The following NBPF3 variants were observed in gnomAD, a reference collection of about 807,000 sequenced individuals.
The protein encoded by NBPF3 is NBPF member 3.
A neutral mutation model predicts 78.1 loss-of-function variants in NBPF3; 57 were observed. That is an observed-to-expected ratio of 0.73 (90% confidence interval 0.59 to 0.91). The LOEUF (loss-of-function observed/expected upper bound fraction) is 0.91. NBPF3 is among the 40% of genes least tolerant of loss of function. NBPF3 has a pLI of 0.00. For missense variants in NBPF3, 510 were observed against 715.3 expected (o/e 0.71, Z 3.27); for synonymous variants, 182 against 271.7 (o/e 0.67, Z 3.25).
intron 1 of NBPF3, among the ~76,000 whole-genome samples, chr1:21,442,986 T>A (rs1382841066): frequency 1.3e-5 from 2 of 152,180 alleles, no homozygotes; most frequent in African/African-American, 4.8e-5. Context: ...ACTACATGGA[T>A]GTGTCTGCTT....
chr1:21,437,419 C>G (rs1640446414), upstream of NBPF3: 1 of 1,200,900 alleles, frequency 8.3e-7, no homozygotes. Flanking sequence ...CAAACGTAGG[C>G]CTAGAGGAAC....
chr1:21,466,488 C>T, intron 2 of NBPF3, among the ~76,000 whole-genome samples: 1 of 152,294 alleles, frequency 6.6e-6, no homozygotes, highest in Non-Finnish European at 1.5e-5. Context: ...ATTGGTATTC[C>T]ATAGAAGAGT....
intron 2 of NBPF3, among the ~76,000 whole-genome samples, chr1:21,457,458 GAAAC>G (rs1486133553): frequency 6.6e-6 from 1 of 151,530 alleles, no homozygotes; most frequent in Non-Finnish European, 1.5e-5. Flanking sequence ...ACAACACAAT[GAAAC>G]AATTTCTCAA....
chr1:21,449,621 C>G (rs1233942473), intron 2 of NBPF3, among the ~76,000 whole-genome samples: 3 of 152,084 alleles, frequency 2.0e-5, no homozygotes, highest in Non-Finnish European at 4.4e-5. Context: ...CAGGCACCTG[C>G]CACCACGCCT....
At chr1:21,458,234 T>C (rs552537634) in intron 2 of NBPF3, among the ~76,000 whole-genome samples, 97 of 152,230 alleles carry the variant, frequency 6.4e-4, no homozygotes, top group African/African-American at 2.2e-3. Flanking sequence ...CCAATAAAAC[T>C]TGTTTAATAC....
intron 2 of NBPF3, among the ~76,000 whole-genome samples, chr1:21,452,561 G>A (rs1268228830): frequency 6.6e-6 from 1 of 152,192 alleles, no homozygotes; most frequent in Non-Finnish European, 1.5e-5. Context: ...AGATTATTGC[G>A]GTGAAGAATT....
upstream of NBPF3, among the ~76,000 whole-genome samples, chr1:21,438,214 G>C (rs1640463648): frequency 1.3e-5 from 2 of 151,906 alleles, no homozygotes; most frequent in Non-Finnish European, 2.9e-5. Flanking sequence ...CTGGGTTCAA[G>C]CAATTCTCCT....
At chr1:21,443,379 A>G (rs1437275338) in intron 1 of NBPF3, among the ~76,000 whole-genome samples, 1 of 152,160 alleles carries the variant, frequency 6.6e-6, no homozygotes, top group African/African-American at 2.4e-5. Flanking sequence ...ATTAGATGTT[A>G]TTTGAGCCTC....
At chr1:21,442,600 A>G (rs573880131) in intron 1 of NBPF3, among the ~76,000 whole-genome samples, 1 of 152,238 alleles carries the variant, frequency 6.6e-6, no homozygotes, top group East Asian at 1.9e-4. Flanking sequence ...TAAGAAATCA[A>G]TGCCTAACCT....
intron 3 of NBPF3, 112 bp from the exon 4 acceptor site, chr1:21,470,519 TG>T: frequency 1.4e-6 from 1 of 736,448 alleles, no homozygotes; most frequent in Non-Finnish European, 2.3e-6. Context: ...ACGTAGAGCC[TG>T]GCAGTGGGGA....
chr1:21,469,857 G>A (rs1181818625), intron 3 of NBPF3, among the ~76,000 whole-genome samples: 1 of 152,168 alleles, frequency 6.6e-6, no homozygotes, highest in Non-Finnish European at 1.5e-5. Context: ...CAGGGACTCT[G>A]GGCCTGTCTC....
At chr1:21,458,179 TC>T (rs1641738854) in intron 2 of NBPF3, among the ~76,000 whole-genome samples, 2 of 152,126 alleles carry the variant, frequency 1.3e-5, no homozygotes, top group South Asian at 4.1e-4. Context: ...CCTTCAGACC[TC>T]CAATAAACTT....
At chr1:21,459,748 G>A in intron 2 of NBPF3, 1 of 345,836 alleles carries the variant, frequency 2.9e-6, no homozygotes, top group South Asian at 2.9e-5. Flanking sequence ...TTGCTCATCA[G>A]CAGGCCCAGT....
At chr1:21,474,331 G>A (rs1642775983) in intron 7 of NBPF3, among the ~76,000 whole-genome samples, 1 of 151,924 alleles carries the variant, frequency 6.6e-6, no homozygotes, top group African/African-American at 2.4e-5. Context: ...AGCCTCCTGA[G>A]TCGCTGGTAC....
rs998215061 is a variant in NBPF3, at chr1:21,452,089, G to A, written c.133+6870G>A. ...AATTTTCTAAACATTCTTTAGATAA[G>A]AATTTAATGGGCATTCTTTATTGCA... On this transcript the variant is annotated intron_variant, in intron 2 of 14. Coordinates refer to ENST00000318249, the MANE Select transcript of NBPF3 (RefSeq NM_032264.6). Among the ~76,000 whole-genome samples the A allele has an allele frequency of 1.1e-4, 16 of 152,102 alleles. 1 individual carries two copies. The highest frequency in any genetic ancestry group is 3.9e-4 in the African/African-American group (16 of 41,404).
rs1233390595 is a variant in NBPF3, at chr1:21,444,896, C to T, written c.-139-52C>T. 1.1e-5 allele frequency: 6 copies of T among 559,102 alleles called. No homozygotes were observed. In the East Asian group the frequency reaches 2.0e-4, roughly 19 times the overall value. The allele number at this position is 559,102 out of a possible 1,614,324, so 34.6% of individuals were successfully genotyped here. A position where few individuals can be genotyped will look rare whatever the true frequency, so the allele number is the denominator to read the frequency against. On this transcript the variant is annotated intron_variant, in intron 1 of 14. Transcript: ENST00000318249. ...AATGGCAGCTCCATCCTTCAAGTTG[C>T]CGAAGCCCCAAATCTCAATGTTAAC...
Position 21,444,162 on chromosome 1 carries a change from T to C in NBPF3, c.-139-786T>C, listed in dbSNP as rs1640827742. On this transcript the variant is annotated intron_variant, in intron 1 of 14. Coordinates refer to ENST00000318249, the MANE Select transcript of NBPF3 (RefSeq NM_032264.6). ...AATATTTCTTAAAAGAATGAATGAA[T>C]GAACATACTAATACCATATTCAACA... Among the ~76,000 whole-genome samples, 4 of 152,292 alleles carry C rather than the reference T, an allele frequency of 2.6e-5. No individual in the cohort carries two copies. In the South Asian group the frequency reaches 8.3e-4, roughly 32 times the overall value.
At position 21,471,714 on chromosome 1, in the gene NBPF3, C is replaced by T. The variant is rs946483741; in HGVS notation, c.592C>T (p.Arg198Trp). 35 of 1,612,904 alleles carry T rather than the reference C, an allele frequency of 2.2e-5. No individual in the cohort carries two copies. The highest frequency in any genetic ancestry group is 1.1e-4 in the East Asian group (5 of 44,842). ...TPDEPDNSQG[R>W]DLREQLAEGC... Reference sequence around the variant, plus strand: ...GGATGAGCCGGACAACTCCCAGGGACGGGACCTCCGAGAACAGCTGGCTGA... The same window carrying T: ...GGATGAGCCGGACAACTCCCAGGGATGGGACCTCCGAGAACAGCTGGCTGA... Residue 198 changes from arginine (R) to tryptophan (W), a missense_variant, in exon 5 of 15, where the codon CGG becomes TGG. Physicochemically the swap from Arg to Trp is moderately radical, Grantham distance 101 (BLOSUM62 -3). This residue lies in a region of NBPF3 where 440 missense variants were observed against 478.2 expected (regional missense o/e 0.92). Coordinates refer to ENST00000318249, the MANE Select transcript of NBPF3 (RefSeq NM_032264.6).
At position 21,470,613 on chromosome 1, in the gene NBPF3, CGT is replaced by C; in HGVS notation, c.344-12_344-11del. The C allele has an allele frequency of 6.4e-7, 1 of 1,559,596 alleles. No individual in the cohort carries two copies. Among genetic ancestry groups the C allele is most frequent in the Non-Finnish European group, 8.8e-7 (1 of 1,139,210 alleles). On this transcript the variant is annotated splice_polypyrimidine_tract_variant and intron_variant, in intron 3 of 14. Transcript: ENST00000318249. ...ATGTCCAGCCTTTCACTGAGGCAGG[CGT>C]GTGTGTCTTTTCTCAGACTATGAAG...
Sources: allele counts gnomAD v4.1 joint callset (sites outside exome capture counted in the v4.1 genomes callset), GRCh38; gene constraint gnomAD v4.1.1; regional missense constraint gnomAD v4.1.1; transcripts MANE v1.5; gene names NCBI Gene and HGNC (gene_info 2026-07-23, HGNC 2026-07-21).